KCNH8: variants seen among roughly 807,000 people sequenced by gnomAD.
The protein encoded by KCNH8 is voltage-gated delayed rectifier potassium channel KCNH8.
Under a neutral mutation model 103.6 loss-of-function variants are expected in KCNH8, and 70 were observed. That is an observed-to-expected ratio of 0.68 (90% CI 0.56 to 0.82). The LOEUF (loss-of-function observed/expected upper bound fraction) is 0.82, where lower values mean the gene tolerates loss of function less well. Ranked by LOEUF, KCNH8 falls within the 40% of genes least tolerant of loss-of-function variation. The pLI is 0.00. For missense variants in KCNH8, 1,217 were observed against 1,329.9 expected (o/e 0.92, Z 1.32); for synonymous variants, 498 against 489.4 (o/e 1.02, Z -0.23).
At chr3:19,304,812 G>A (rs9834735) in intron 3 of KCNH8, among the ~76,000 whole-genome samples, 16,138 of 152,084 alleles carry the variant, frequency 0.11, 984 homozygotes, top group East Asian at 0.17. Flanking sequence ...CGTGGCTAGT[G>A]TTACTAAGAA....
intron 11 of KCNH8, among the ~76,000 whole-genome samples, chr3:19,499,419 A>G (rs2068524540): frequency 1.3e-5 from 2 of 152,176 alleles, no homozygotes; most frequent in Admixed American, 1.3e-4. Flanking sequence ...GCCAACATTC[A>G]GATTCAGGAA....
chr3:19,258,778 A>C (rs1575475046), intron 2 of KCNH8, among the ~76,000 whole-genome samples: 1 of 151,690 alleles, frequency 6.6e-6, no homozygotes, highest in African/African-American at 2.4e-5. Flanking sequence ...TAGCATTTGC[A>C]GTGATTCTAC....
rs146732742 is a variant in KCNH8 at position 19,318,892 on chromosome 3, C to T, written c.443-23695C>T. Among the ~76,000 whole-genome samples, 100 of 151,840 alleles carry T rather than the reference C, an allele frequency of 6.6e-4. 1 individual carries two copies. The highest frequency in any genetic ancestry group is 3.4e-3 in the Middle Eastern group (1 of 294). ...CGCATTGTGGTTTTGACTTGCATTTCCCTGATACATAGTAATGTTGAGCAT... is the reference window on the plus strand; with the variant it reads ...CGCATTGTGGTTTTGACTTGCATTTTCCTGATACATAGTAATGTTGAGCAT... On this transcript the variant is annotated intron_variant, in intron 3 of 15. Transcript: ENST00000328405.
At chr3:19,501,750 A>T (rs2068587936) in intron 11 of KCNH8, among the ~76,000 whole-genome samples, 1 of 152,214 alleles carries the variant, frequency 6.6e-6, no homozygotes, top group East Asian at 1.9e-4. Flanking sequence ...AACTCTCAAT[A>T]AATTAGGTAT....
chr3:19,518,215 A>G (rs2068908789), intron 15 of KCNH8, 141 bp downstream of exon 15: 3 of 609,748 alleles, frequency 4.9e-6, no homozygotes, highest in Non-Finnish European at 2.8e-6. Flanking sequence ...GCTCTGCCTC[A>G]TGTAAGTTGT....
At chr3:19,318,997 G>A (rs934191420) in intron 3 of KCNH8, among the ~76,000 whole-genome samples, 2 of 151,544 alleles carry the variant, frequency 1.3e-5, no homozygotes, top group African/African-American at 4.8e-5. Flanking sequence ...TTTTTGATGG[G>A]ATTATTTGTT....
chr3:19,527,800 C>T (rs1007140369), intron 15 of KCNH8, among the ~76,000 whole-genome samples: 9 of 152,036 alleles, frequency 5.9e-5, no homozygotes, highest in African/African-American at 9.7e-5. Context: ...AGAGCAAATG[C>T]GTTGCCTGCA....
chr3:19,343,566 A>G (rs1429246238), intron 4 of KCNH8, among the ~76,000 whole-genome samples: 2 of 152,124 alleles, frequency 1.3e-5, no homozygotes, highest in Non-Finnish European at 2.9e-5. Context: ...TAGGTGGCAG[A>G]TTAAATACCA....
At chr3:19,370,114 C>A (rs1229098690) in intron 5 of KCNH8, among the ~76,000 whole-genome samples, 1 of 151,990 alleles carries the variant, frequency 6.6e-6, no homozygotes, top group Non-Finnish European at 1.5e-5. Flanking sequence ...GTTATTAATC[C>A]TTTAGGATAT....
chr3:19,405,998 A>C (rs1168811530), intron 7 of KCNH8, among the ~76,000 whole-genome samples: 2 of 152,052 alleles, frequency 1.3e-5, no homozygotes, highest in Non-Finnish European at 2.9e-5. Flanking sequence ...AACACACAAA[A>C]ACATCTGAGA....
intron 5 of KCNH8, among the ~76,000 whole-genome samples, chr3:19,361,242 A>G (rs1481666572): frequency 3.3e-5 from 5 of 152,242 alleles, no homozygotes; most frequent in South Asian, 2.1e-4. Context: ...TGGTTTTTCA[A>G]TAGAATCATG....
chr3:19,357,648 C>T (rs2065896644), intron 5 of KCNH8, among the ~76,000 whole-genome samples: 1 of 151,804 alleles, frequency 6.6e-6, no homozygotes, highest in South Asian at 2.1e-4. Flanking sequence ...CTATTATAAC[C>T]ACAAAGACTG....
intron 14 of KCNH8, among the ~76,000 whole-genome samples, chr3:19,516,697 T>C (rs2068880617): frequency 6.6e-6 from 1 of 151,928 alleles, no homozygotes; most frequent in East Asian, 1.9e-4. Flanking sequence ...GCTTACACAT[T>C]CAAGCATCAA....
At chr3:19,238,517 C>T (rs80240368) in intron 1 of KCNH8, among the ~76,000 whole-genome samples, 9,591 of 152,184 alleles carry the variant, frequency 0.063, 984 homozygotes, top group African/African-American at 0.21. Context: ...AATTTATTTG[C>T]ATAGAATAAT....
chr3:19,405,508 T>G (rs1271656830), intron 7 of KCNH8, among the ~76,000 whole-genome samples: 1 of 151,944 alleles, frequency 6.6e-6, no homozygotes, highest in Non-Finnish European at 1.5e-5. Flanking sequence ...ATGATGTATT[T>G]TATTAAATAT....
chr3:19,238,426 C>A (rs1324617925), intron 1 of KCNH8, among the ~76,000 whole-genome samples: 4 of 152,022 alleles, frequency 2.6e-5, no homozygotes, highest in Non-Finnish European at 5.9e-5. Flanking sequence ...GTAAAACAAA[C>A]TGAAAAAGAA....
In KCNH8 at chr3:19,348,341, C is replaced by T. The variant is rs73182752; in HGVS notation, c.811+376C>T. ...GTTGTGACAGTGGTCCACTCCTTGA[C>T]GTGTTCTTTCTCCATGCCCTTCCGT... On this transcript the variant is annotated intron_variant, in intron 5 of 15. Transcript: ENST00000328405. 9.5e-3 allele frequency among the ~76,000 whole-genome samples: 1,442 copies of T among 152,082 alleles called. 18 individuals are homozygous for T. Among genetic ancestry groups the T allele is most frequent in the African/African-American group, 0.03 (1,239 of 41,548 alleles).
At chr3:19,504,982 T>C (rs917437035) in intron 11 of KCNH8, among the ~76,000 whole-genome samples, 17 of 150,974 alleles carry the variant, frequency 1.1e-4, no homozygotes, top group South Asian at 2.1e-4. Context: ...TATATATATA[T>C]ACACATATAT....
In KCNH8 at chr3:19,390,555, ATCCACTATG is replaced by A; in HGVS notation, c.889_897del (p.His297_Val299del). ...TATCTTTGAAGCAAGATCAATTTGCATCCACTATGTCACAACCTGGTTCATCATTGATTT... is the reference window on the plus strand; with the variant it reads ...TATCTTTGAAGCAAGATCAATTTGCATCACAACCTGGTTCATCATTGATTT... On this transcript the variant is annotated inframe_deletion, in exon 6 of 16. Coordinates refer to ENST00000328405, the MANE Select transcript of KCNH8 (RefSeq NM_144633.3). 6.2e-7 allele frequency: 1 copy of A among 1,613,420 alleles called. No individual in the cohort carries two copies. Among genetic ancestry groups the A allele is most frequent in the Non-Finnish European group, 8.5e-7 (1 of 1,179,556 alleles).
Sources: gnomAD v4.1 joint callset for allele counts (sites outside exome capture counted in the v4.1 genomes callset) on GRCh38, gnomAD v4.1.1 for gene constraint, MANE v1.5 for transcripts, NCBI Gene and HGNC (gene_info 2026-07-23, HGNC 2026-07-21) for gene names.